LMBRD2: variants seen among roughly 807,000 people sequenced by gnomAD.
LMBRD2 encodes G protein-coupled receptor-associated protein LMBRD2.
LMBRD2 carries 55 observed loss-of-function variants against 94.4 expected under a neutral mutation model. The observed-to-expected ratio is 0.58, with a 90% confidence interval of 0.47 to 0.73. The LOEUF is 0.73. Among genes scored for constraint, LMBRD2 ranks in the 30% least tolerant of loss-of-function variants. The probability of loss-of-function intolerance (pLI) is 0.00; values close to 1 mark genes in which losing one functional copy is unlikely to be tolerated. For synonymous variants in LMBRD2, 246 were observed against 272.4 expected (o/e 0.90, Z 0.95); for missense variants, 640 against 831.9 (o/e 0.77, Z 2.84).
At chr5:36,123,617 A>C (rs1353635248) in intron 7 of LMBRD2, among the ~76,000 whole-genome samples, 1 of 151,792 alleles carries the variant, frequency 6.6e-6, no homozygotes, top group Non-Finnish European at 1.5e-5. Context: ...AACTGCAAAT[A>C]ACCATTTTTG....
rs1032875223 is a variant in LMBRD2 at position 36,103,760 on chromosome 5, C to T, written c.*286G>A. The stretch of plus-strand genomic sequence containing the variant: ...AATTAATCTGAAACAAACTGAACTG[C>T]ATGTTCTTAACATATGTTGATCTTT... On this transcript the variant is annotated 3_prime_UTR_variant, in exon 18 of 18. Coordinates refer to ENST00000296603, the MANE Select transcript of LMBRD2 (RefSeq NM_001007527.2). The T allele has an allele frequency of 5.2e-6, 1 of 193,658 alleles. No homozygotes were observed. The highest frequency in any genetic ancestry group is 2.3e-5 in the African/African-American group (1 of 42,696). The allele number at this position is 193,658 out of a possible 1,614,324, so 12.0% of individuals were successfully genotyped here. A position where few individuals can be genotyped will look rare whatever the true frequency, so the allele number is the denominator to read the frequency against.
intron 3 of LMBRD2, 121 bp downstream of exon 3, chr5:36,142,381 G>A (rs1744430659): frequency 1.8e-6 from 1 of 544,656 alleles, no homozygotes; most frequent in Non-Finnish European, 3.2e-6. Flanking sequence ...TAGAGGTGGG[G>A]AGAATTAGTA....
chr5:36,112,451 G>C lies in LMBRD2; in HGVS notation c.1641-1193C>G, dbSNP rs568006069. 3.0e-3 allele frequency among the ~76,000 whole-genome samples: 462 copies of C among 152,262 alleles called. 2 individuals are homozygous for C. Among genetic ancestry groups the C allele is most frequent in the Non-Finnish European group, 4.9e-3 (334 of 68,004 alleles). ...TGTGTTGCTAATAGTGTGGGAATTA[G>C]ACTAATTATGGCAGCATTTCAAATG... On this transcript the variant is annotated intron_variant, in intron 13 of 17. Coordinates refer to ENST00000296603, the MANE Select transcript of LMBRD2 (RefSeq NM_001007527.2).
At chr5:36,115,564 A>C (rs1276709154) in intron 11 of LMBRD2, among the ~76,000 whole-genome samples, 1 of 152,194 alleles carries the variant, frequency 6.6e-6, no homozygotes, top group Non-Finnish European at 1.5e-5. Context: ...CTGTCCAAAT[A>C]AAAAGAATGC....
intron 6 of LMBRD2, among the ~76,000 whole-genome samples, chr5:36,133,114 G>A (rs976579823): frequency 6.6e-6 from 1 of 151,968 alleles, no homozygotes; most frequent in Non-Finnish European, 1.5e-5. Context: ...GTTTATTGCA[G>A]CAGTACTCAC....
intron 4 of LMBRD2, among the ~76,000 whole-genome samples, chr5:36,140,482 C>T (rs1467473961): frequency 6.6e-6 from 1 of 152,190 alleles, no homozygotes; most frequent in Non-Finnish European, 1.5e-5. Flanking sequence ...AAAACAACAC[C>T]CCTAAGGATC....
rs941741018 is a variant in LMBRD2 at position 36,127,243 on chromosome 5, T to C, written c.748-2978A>G. On this transcript the variant is annotated intron_variant, in intron 6 of 17. Coordinates refer to ENST00000296603, the MANE Select transcript of LMBRD2 (RefSeq NM_001007527.2). ...CCTCAAGTTTATAAGTTTCCAGATA[T>C]TCAGAAAAGCAGAAAGAATCCCAAA... 7.9e-5 allele frequency among the ~76,000 whole-genome samples: 12 copies of C among 152,314 alleles called. 1 individual carries two copies. The Middle Eastern group carries it at 0.017, about 216-fold the overall frequency.
chr5:36,138,950 G>A (rs774135830), intron 4 of LMBRD2, among the ~76,000 whole-genome samples: 46 of 152,228 alleles, frequency 3.0e-4, no homozygotes, highest in Non-Finnish European at 5.7e-4. Flanking sequence ...CAAAGTTGCT[G>A]GCCGCAGTGT....
At chr5:36,149,848 G>A (rs1408782113) in intron 1 of LMBRD2, among the ~76,000 whole-genome samples, 10 of 152,166 alleles carry the variant, frequency 6.6e-5, no homozygotes, top group Non-Finnish European at 2.9e-5. Flanking sequence ...TGGAGGTTAT[G>A]GTGAGCCGAG....
rs10071838 is a variant in LMBRD2 at position 36,147,704 on chromosome 5, C to A, written c.-58+3852G>T. On this transcript the variant is annotated intron_variant, in intron 1 of 17. Coordinates refer to ENST00000296603, the MANE Select transcript of LMBRD2 (RefSeq NM_001007527.2). ...AAAGTACTGTTTCCTGAGTACTTTA[C>A]GGCTGATAATAGTTTTTCAGGCCAA... Among the ~76,000 whole-genome samples the A allele has an allele frequency of 2.0e-5, 3 of 151,942 alleles. No individual in the cohort carries two copies. In the East Asian group the frequency reaches 5.8e-4, roughly 29 times the overall value.
rs777247912 is a variant in LMBRD2 at position 36,136,516 on chromosome 5, G to A, written c.540C>T (p.Asn180=). The change falls in exon 6 of 18, where the codon AAC becomes AAT. Residue 180 remains asparagine, a synonymous_variant. Coordinates refer to ENST00000296603, the MANE Select transcript of LMBRD2 (RefSeq NM_001007527.2). ...CAGCTATCCCAATTGTCTGAAGCTG[G>A]TTCCTAAGAAAGGGAAACAACAGAT... ...AVNPHLHLEW[N]QLQTIGIAAA... The A allele has an allele frequency of 1.2e-6, 2 of 1,613,258 alleles. No individual in the cohort carries two copies. Among genetic ancestry groups the A allele is most frequent in the African/African-American group, 2.7e-5 (2 of 74,884 alleles).
chr5:36,150,876 G>A (rs1240057488), intron 1 of LMBRD2, among the ~76,000 whole-genome samples: 1 of 152,186 alleles, frequency 6.6e-6, no homozygotes, highest in Non-Finnish European at 1.5e-5. Flanking sequence ...TTTCACTACA[G>A]AGCGAATCAT....
intron 1 of LMBRD2, among the ~76,000 whole-genome samples, chr5:36,145,063 C>A (rs1393317736): frequency 6.6e-6 from 1 of 152,176 alleles, no homozygotes; most frequent in African/African-American, 2.4e-5. Context: ...CTCCACACCT[C>A]TCCCCTTACC....
chr5:36,136,149 T>C (rs1744264197), intron 6 of LMBRD2, among the ~76,000 whole-genome samples, 160 bp downstream of exon 6: 1 of 152,202 alleles, frequency 6.6e-6, no homozygotes, highest in South Asian at 2.1e-4. Context: ...GCTGAACTGC[T>C]AAAAAGTCAT....
intron 4 of LMBRD2, 142 bp from the exon 5 acceptor site, chr5:36,137,583 TA>T: frequency 2.0e-6 from 1 of 498,720 alleles, no homozygotes; most frequent in Non-Finnish European, 3.5e-6. Flanking sequence ...CATGAATACT[TA>T]ATAACTATAA....
At chr5:36,143,017 G>A (rs151016795) in intron 2 of LMBRD2, among the ~76,000 whole-genome samples, 159 bp downstream of exon 2, 168 of 152,178 alleles carry the variant, frequency 1.1e-3, no homozygotes, top group African/African-American at 3.9e-3. Flanking sequence ...GAGCCACCAC[G>A]CCCGGCCCTT....
intron 6 of LMBRD2, among the ~76,000 whole-genome samples, chr5:36,127,528 G>A (rs1407117711): frequency 1.3e-5 from 2 of 152,184 alleles, no homozygotes; most frequent in African/African-American, 4.8e-5. Flanking sequence ...GGGTCACATG[G>A]GAGTCCAGTG....
At chr5:36,126,083 G>T (rs916627543) in intron 6 of LMBRD2, among the ~76,000 whole-genome samples, 1 of 152,126 alleles carries the variant, frequency 6.6e-6, no homozygotes, top group Admixed American at 6.6e-5. Context: ...CTTAATCATG[G>T]TTTATTTTGA....
At chr5:36,109,716 G>A (rs879599746) in intron 15 of LMBRD2, among the ~76,000 whole-genome samples, 2 of 151,992 alleles carry the variant, frequency 1.3e-5, no homozygotes, top group Admixed American at 6.6e-5. Flanking sequence ...GAAGCTGCTC[G>A]ATGCTAAACA....
Sources: allele counts gnomAD v4.1 joint callset (sites outside exome capture counted in the v4.1 genomes callset), GRCh38; gene constraint gnomAD v4.1.1; transcripts MANE v1.5; gene names NCBI Gene and HGNC (gene_info 2026-07-23, HGNC 2026-07-21).